The following TAOK3 variants were observed in gnomAD, a reference collection of about 807,000 sequenced individuals.
The protein encoded by TAOK3 is serine/threonine-protein kinase TAO3.
In TAOK3, 40 loss-of-function variants were observed where a neutral mutation model predicts 120.4. The observed-to-expected ratio is 0.33, with a 90% CI of 0.26 to 0.43. The LOEUF is 0.43. Among genes scored for constraint, TAOK3 ranks in the 20% least tolerant of loss-of-function variants. The probability of loss-of-function intolerance (pLI) is 1.00; values close to 1 mark genes in which losing one functional copy is unlikely to be tolerated. For missense variants in TAOK3, 821 were observed against 1,112.1 expected (o/e 0.74, Z 3.72); for synonymous variants, 355 against 387.5 (o/e 0.92, Z 0.99).
In TAOK3 at chr12:118,289,994, C is replaced by CAA. The variant is rs201999011; in HGVS notation, c.-193-23237_-193-23236dup. 3.5e-3 allele frequency among the ~76,000 whole-genome samples: 430 copies of CAA among 124,078 alleles called. 4 individuals carry two copies. Among genetic ancestry groups the CAA allele is most frequent in the African/African-American group, 0.012 (393 of 33,800 alleles). 81.4% of individuals were successfully genotyped at this position (124,078 alleles called of 152,430 possible). A position where few individuals can be genotyped will look rare whatever the true frequency, so the allele number is the denominator to read the frequency against. On this transcript the variant is annotated intron_variant, in intron 1 of 20. Coordinates refer to ENST00000392533, the MANE Select transcript of TAOK3 (RefSeq NM_016281.4). ...GGGCAAAAACAGTGAAACTCCATTG[C>CAA]AAAAAAAAAAAAAGAGAAAGAAATA...
Position 118,150,862 on chromosome 12 carries a change from CGAT to C in TAOK3, c.*132_*134del. 1.0e-6 allele frequency: 1 copy of C among 973,124 alleles called. No individual in the cohort carries two copies. The highest frequency in any genetic ancestry group is 1.5e-6 in the Non-Finnish European group (1 of 677,826). The allele number at this position is 973,124 out of a possible 1,614,324, so 60.3% of individuals were successfully genotyped here. On this transcript the variant is annotated 3_prime_UTR_variant, in exon 21 of 21. Coordinates refer to ENST00000392533, the MANE Select transcript of TAOK3 (RefSeq NM_016281.4). ...AGAATAAACAGGCACTAGTCCGACA[CGAT>C]GTCAGTAAGAGTAAGAGAGAGAGAG...
intron 1 of TAOK3, among the ~76,000 whole-genome samples, chr12:118,272,305 A>G (rs200375326): frequency 7.4e-5 from 11 of 148,656 alleles, no homozygotes; most frequent in East Asian, 4.0e-4. Context: ...AAAAAAAAAA[A>G]AAAGAAAGAA....
At chr12:118,219,669 A>G (rs2039124321) in intron 9 of TAOK3, among the ~76,000 whole-genome samples, 2 of 150,860 alleles carry the variant, frequency 1.3e-5, no homozygotes, top group Admixed American at 1.3e-4. Context: ...ATCTCAGCTC[A>G]CTGCAGCCTT....
intron 1 of TAOK3, among the ~76,000 whole-genome samples, chr12:118,354,389 G>A (rs946150039): frequency 1.3e-5 from 2 of 152,136 alleles, no homozygotes; most frequent in African/African-American, 2.4e-5. Flanking sequence ...GCTGGATAAA[G>A]GGATAATTCA....
intron 9 of TAOK3, among the ~76,000 whole-genome samples, chr12:118,233,349 A>C (rs991112959): frequency 2.6e-5 from 4 of 151,982 alleles, no homozygotes; most frequent in Non-Finnish European, 5.9e-5. Context: ...ACATGTGTAC[A>C]TATGTAACAA....
intron 1 of TAOK3, among the ~76,000 whole-genome samples, chr12:118,298,196 A>C (rs1194201477): frequency 6.6e-6 from 1 of 152,236 alleles, no homozygotes; most frequent in Non-Finnish European, 1.5e-5. Flanking sequence ...GGGAGATTTT[A>C]ATTAATCTGG....
intron 1 of TAOK3, among the ~76,000 whole-genome samples, chr12:118,328,194 G>C (rs910677931): frequency 6.6e-6 from 1 of 151,940 alleles, no homozygotes; most frequent in Non-Finnish European, 1.5e-5. Context: ...CCGAGTAGCT[G>C]GGATTACAGC....
chr12:118,366,634 A>C (rs1269850638), intron 1 of TAOK3, among the ~76,000 whole-genome samples: 1 of 152,194 alleles, frequency 6.6e-6, no homozygotes, highest in Non-Finnish European at 1.5e-5. Flanking sequence ...TAAAGTATAC[A>C]ATGTGAGGTT....
intron 1 of TAOK3, among the ~76,000 whole-genome samples, chr12:118,298,987 TAGAAAGAAA>T (rs1208940591): frequency 1.7e-4 from 26 of 152,170 alleles, no homozygotes; most frequent in African/African-American, 6.0e-4. Context: ...TCATATTTGT[TAGAAAGAAA>T]GCCATTTGTA....
intron 1 of TAOK3, among the ~76,000 whole-genome samples, chr12:118,361,425 T>C (rs866651632): frequency 6.6e-6 from 1 of 152,172 alleles, no homozygotes; most frequent in East Asian, 1.9e-4. Flanking sequence ...AATACTACTC[T>C]TCCAAACTAT....
chr12:118,279,582 ATTT>A (rs1285001157), intron 1 of TAOK3, among the ~76,000 whole-genome samples: 1 of 121,290 alleles, frequency 8.2e-6, no homozygotes, highest in Non-Finnish European at 1.8e-5. Context: ...TCTTGAGTTG[ATTT>A]TTTTTTTTTT....
intron 6 of TAOK3, 147 bp from the exon 7 acceptor site, chr12:118,238,316 A>G: frequency 2.0e-6 from 1 of 499,134 alleles, no homozygotes. Flanking sequence ...AGAAGATAAT[A>G]AGTGATCAGA....
At chr12:118,227,590 T>C (rs1214378731) in intron 9 of TAOK3, among the ~76,000 whole-genome samples, 1 of 152,202 alleles carries the variant, frequency 6.6e-6, no homozygotes, top group Non-Finnish European at 1.5e-5. Context: ...AGTTATCTTA[T>C]TGAAGCCTGT....
intron 1 of TAOK3, among the ~76,000 whole-genome samples, chr12:118,348,951 C>T (rs566421063): frequency 4.0e-5 from 6 of 150,840 alleles, no homozygotes; most frequent in South Asian, 2.1e-4. Context: ...TGCAGTGGCG[C>T]GTTCTTGGCC....
intron 2 of TAOK3, among the ~76,000 whole-genome samples, chr12:118,256,859 C>T (rs750115387): frequency 6.6e-6 from 1 of 151,902 alleles, no homozygotes; most frequent in Admixed American, 6.6e-5. Flanking sequence ...TGTGACTATA[C>T]CAAAAATCAT....
At chr12:118,182,045 C>T (rs895404257) in intron 14 of TAOK3, among the ~76,000 whole-genome samples, 6 of 151,938 alleles carry the variant, frequency 3.9e-5, no homozygotes, top group Non-Finnish European at 2.9e-5. Context: ...ATTAGCCAGG[C>T]ATGGTGGTGG....
chr12:118,325,746 C>G lies in TAOK3; in HGVS notation c.-194+46902G>C, dbSNP rs1296166598. Among the ~76,000 whole-genome samples the G allele has an allele frequency of 3.3e-5, 5 of 152,154 alleles. No homozygotes were observed. In the East Asian group the frequency reaches 9.6e-4, roughly 29 times the overall value. On this transcript the variant is annotated intron_variant, in intron 1 of 20. Coordinates refer to ENST00000392533, the MANE Select transcript of TAOK3 (RefSeq NM_016281.4). ...CCAGGCTGGAGTGCAGTAGCATGAT[C>G]TCGGCTCACTGCAACGTCTGCCTCC...
At chr12:118,235,929 T>A in intron 7 of TAOK3, 2 of 333,858 alleles carry the variant, frequency 6.0e-6, no homozygotes, top group African/African-American at 2.1e-5. Flanking sequence ...GGAATACAAA[T>A]GAGAAAAAAG....
At chr12:118,218,696 T>C (rs1411305256) in intron 9 of TAOK3, among the ~76,000 whole-genome samples, 4 of 152,100 alleles carry the variant, frequency 2.6e-5, no homozygotes, top group Admixed American at 2.0e-4. Context: ...CTGTGGCTGA[T>C]TGAATTCATG....
Sources: allele counts gnomAD v4.1 joint callset (sites outside exome capture counted in the v4.1 genomes callset), GRCh38; gene constraint gnomAD v4.1.1; transcripts MANE v1.5; gene names NCBI Gene and HGNC (gene_info 2026-07-23, HGNC 2026-07-21).